USP36: variants seen among roughly 807,000 people sequenced by gnomAD.
USP36 encodes ubiquitin carboxyl-terminal hydrolase 36.
USP36 carries 59 observed loss-of-function variants against 111.5 expected under a neutral mutation model. The observed-to-expected ratio is 0.53, with a 90% CI of 0.43 to 0.66. The LOEUF is 0.66. USP36 is among the 30% of genes least tolerant of loss of function. The pLI, the probability that USP36 is intolerant of heterozygous loss-of-function variation, is 0.00. For missense variants in USP36, 1,488 were observed against 1,468.0 expected (o/e 1.01, Z -0.22); for synonymous variants, 628 against 581.0 (o/e 1.08, Z -1.16).
chr17:78,803,581 G>A lies in USP36; in HGVS notation c.2614C>T (p.Pro872Ser), dbSNP rs1827774761. The change falls in exon 16 of 21, where the codon CCC (proline) becomes TCC (serine). Residue 872 changes from proline to serine, a missense_variant. Physicochemically the swap from Pro to Ser is moderately conservative, Grantham distance 74 (BLOSUM62 -1). This residue lies in a region of USP36 where 1,073 missense variants were observed against 994.1 expected (regional missense o/e 1.08). Coordinates refer to ENST00000449938, the MANE Select transcript of USP36 (RefSeq NM_001385174.1). This position sits in a 1 kb window ranked among gnomAD's most constrained non-coding sequence, Gnocchi z 4.6. ...EGQTQRQPGS[P>S]MYRREGQAQL... is the part of the protein sequence containing the mutation. The stretch of plus-strand genomic sequence containing the variant: ...GCCTGGCCCTCCCTCCTGTACATGG[G>A]GCTCCCAGGCTGTCTCTGTGTCTGC... The A allele has an allele frequency of 4.3e-6, 7 of 1,613,066 alleles. No individual in the cohort carries two copies. Among genetic ancestry groups the A allele is most frequent in the Non-Finnish European group, 5.1e-6 (6 of 1,179,992 alleles).
intron 10 of USP36, 86 bp from the exon 11 acceptor site, chr17:78,814,638 A>G (rs2094138560): frequency 1.4e-6 from 2 of 1,477,548 alleles, no homozygotes; most frequent in African/African-American, 2.8e-5. Flanking sequence ...ACCACACAAA[A>G]TGCCCAGCTT....
chr17:78,794,149 A>C (rs1377785946), downstream of USP36, among the ~76,000 whole-genome samples: 1 of 152,146 alleles, frequency 6.6e-6, no homozygotes, highest in Non-Finnish European at 1.5e-5. Flanking sequence ...CTATGCTACT[A>C]ATGCCAATCT....
intron 16 of USP36, among the ~76,000 whole-genome samples, chr17:78,802,753 C>T (rs2093787120): frequency 6.6e-6 from 1 of 152,182 alleles, no homozygotes; most frequent in South Asian, 2.1e-4. Flanking sequence ...CCCATCCTAA[C>T]TGAGCCAAGC....
intron 7 of USP36, 65 bp from the exon 8 acceptor site, chr17:78,821,126 C>T (rs924999706): frequency 3.0e-5 from 44 of 1,490,982 alleles, no homozygotes; most frequent in East Asian, 1.2e-4. Flanking sequence ...CTCCCAAGAC[C>T]GAGACCCAGC....
At chr17:78,810,898 G>C (rs2094032999) in intron 13 of USP36, among the ~76,000 whole-genome samples, 1 of 152,020 alleles carries the variant, frequency 6.6e-6, no homozygotes, top group South Asian at 2.1e-4. Flanking sequence ...CGAATCACTT[G>C]AGGTCAGGAG....
chr17:78,832,415 A>T (rs1001877510), intron 4 of USP36, among the ~76,000 whole-genome samples: 2 of 152,208 alleles, frequency 1.3e-5, no homozygotes, highest in Admixed American at 1.3e-4. Flanking sequence ...ACGTCTCTTC[A>T]TATGTTCCAA....
chr17:78,792,713 G>GT (rs200048059), downstream of USP36, among the ~76,000 whole-genome samples: 4,668 of 151,872 alleles, frequency 0.031, 151 homozygotes, highest in Admixed American at 0.094. Context: ...CCCCGGGAAG[G>GT]TTTTTTTTGT....
rs1480628421 is a variant in USP36 at position 78,813,834 on chromosome 17, C to T, written c.1204G>A (p.Val402Ile). 1.1e-5 allele frequency: 18 copies of T among 1,614,108 alleles called. No individual in the cohort carries two copies. The South Asian group carries it at 1.6e-4, about 15-fold the overall frequency. ...GQWYQMNDSL[V>I]HSSNVKVVLN... The stretch of plus-strand genomic sequence containing the variant: ...ACCACCTTGACGTTGCTGGAATGGA[C>T]CAAGGAATCATTCATCTGGTACCAC... Residue 402 changes from valine (V) to isoleucine (I), a missense_variant, in exon 12 of 21, where the codon GTC becomes ATC. Val to Ile is a conservative substitution (Grantham distance 29, BLOSUM62 3). This residue lies in a region of USP36 where 1,073 missense variants were observed against 994.1 expected (regional missense o/e 1.08). Transcript: ENST00000449938.
chr17:78,803,578 T>C lies in USP36; in HGVS notation c.2617A>G (p.Met873Val). The C allele has an allele frequency of 6.2e-7, 1 of 1,613,274 alleles. No individual in the cohort carries two copies. Among genetic ancestry groups the C allele is most frequent in the Non-Finnish European group, 8.5e-7 (1 of 1,180,004 alleles). ...GQTQRQPGSPMYRREGQAQLP... is the reference protein window; with the variant it reads ...GQTQRQPGSPVYRREGQAQLP... ...TGTGCCTGGCCCTCCCTCCTGTACA[T>C]GGGGCTCCCAGGCTGTCTCTGTGTC... Residue 873 changes from methionine to valine, a missense_variant, in exon 16 of 21, where the codon ATG becomes GTG. Coordinates refer to ENST00000449938, the MANE Select transcript of USP36 (RefSeq NM_001385174.1). This position sits in a 1 kb window ranked among gnomAD's most constrained non-coding sequence, Gnocchi z 4.6.
intron 7 of USP36, among the ~76,000 whole-genome samples, chr17:78,821,669 C>G (rs899466618): frequency 2.2e-4 from 33 of 151,888 alleles, no homozygotes; most frequent in African/African-American, 6.0e-4. Context: ...AACTCCTGAC[C>G]TCAGGTGATC....
At chr17:78,829,605 G>A (rs143240679) in intron 4 of USP36, among the ~76,000 whole-genome samples, 232 of 152,286 alleles carry the variant, frequency 1.5e-3, no homozygotes, top group African/African-American at 5.4e-3. Context: ...TATTGTAGAG[G>A]AGGCAGCCAT....
At position 78,806,236 on chromosome 17, in the gene USP36, G is replaced by T. The variant is rs139874390; in HGVS notation, c.2136C>A (p.Pro712=). The change falls in exon 15 of 21, where the codon CCC becomes CCA. Residue 712 remains proline (P), a synonymous_variant. Coordinates refer to ENST00000449938, the MANE Select transcript of USP36 (RefSeq NM_001385174.1). Reference sequence around the variant, plus strand: ...GGTGGGTGAGGTCGGAGGATGGTGAGGGGGGAGGTGGACGGAGGTCATTGC... The same window carrying T: ...GGTGGGTGAGGTCGGAGGATGGTGATGGGGGAGGTGGACGGAGGTCATTGC... ...ATGNDLRPPP[P]SPSSDLTHPM... is the part of the protein sequence containing the mutation. 9.4e-5 allele frequency: 152 copies of T among 1,613,562 alleles called. No individual in the cohort carries two copies. Among genetic ancestry groups the T allele is most frequent in the Non-Finnish European group, 1.2e-4 (146 of 1,179,970 alleles).
intron 7 of USP36, 151 bp downstream of exon 7, chr17:78,821,786 G>T: frequency 1.2e-6 from 1 of 838,342 alleles, no homozygotes; most frequent in Non-Finnish European, 1.9e-6. Context: ...CGGGCCAAGA[G>T]TCTCAGAGGA....
In USP36 at chr17:78,836,189, T is replaced by C. The variant is rs544488000; in HGVS notation, c.175A>G (p.Lys59Glu). The change falls in exon 3 of 21, where the codon AAA becomes GAA. Residue 59 changes from lysine to glutamate, a missense_variant. Lys to Glu is a moderately conservative substitution (Grantham distance 56, BLOSUM62 1). Transcript: ENST00000449938. ...FSYQLEALKSKYVLLNPKTEG... is the reference protein window; with the variant it reads ...FSYQLEALKSEYVLLNPKTEG... ...GTTTTGGGGTTGAGCAACACATATT[T>C]GCTCTTTAAGGCCTCCAGCTGGTAG... The C allele has an allele frequency of 3.0e-5, 48 of 1,614,054 alleles. No homozygotes were observed. The highest frequency in any genetic ancestry group is 1.6e-4 in the Middle Eastern group (1 of 6,078).
At chr17:78,833,009 G>A (rs913198484) in intron 4 of USP36, among the ~76,000 whole-genome samples, 6 of 151,994 alleles carry the variant, frequency 3.9e-5, no homozygotes, top group South Asian at 2.1e-4. Flanking sequence ...TTAGCCAGGC[G>A]TGGTGGCGGG....
chr17:78,827,032 A>C (rs1427236241), intron 6 of USP36: 1 of 688,628 alleles, frequency 1.5e-6, no homozygotes, highest in African/African-American at 1.8e-5. Context: ...GACCAGCAGG[A>C]CGTCTCCGGA....
chr17:78,805,702 T>C lies in USP36; in HGVS notation c.2216+454A>G, dbSNP rs112779098. On this transcript the variant is annotated intron_variant, in intron 15 of 20. Transcript: ENST00000449938. ...TGTCTGCAGAGGAACCCGAGAGCCC[T>C]GAGACAGTTCTTAACCTGCATGACG... Among the ~76,000 whole-genome samples the C allele has an allele frequency of 3.6e-3, 555 of 152,316 alleles. 2 individuals are homozygous for C. The highest frequency in any genetic ancestry group is 0.013 in the African/African-American group (532 of 41,556).
Position 78,803,261 on chromosome 17 carries a change from C to G in USP36, c.2810+124G>C. 1 of 1,079,504 alleles carries G rather than the reference C, an allele frequency of 9.3e-7. No individual in the cohort carries two copies. Among genetic ancestry groups the G allele is most frequent in the South Asian group, 1.6e-5 (1 of 64,094 alleles). The allele number at this position is 1,079,504 out of a possible 1,614,324, so 66.9% of individuals were successfully genotyped here. ...CAGAGGAGACATCTGATCACAAATC[C>G]ACATTTTAGAAAACCACGCAAGCAG... On this transcript the variant is annotated intron_variant, in intron 16 of 20. Coordinates refer to ENST00000449938, the MANE Select transcript of USP36 (RefSeq NM_001385174.1). The surrounding 1 kb of genome is among the most constrained non-coding windows in gnomAD (Gnocchi z 4.6).
At chr17:78,802,876 A>T (rs886160591) in intron 16 of USP36, among the ~76,000 whole-genome samples, 1 of 152,166 alleles carries the variant, frequency 6.6e-6, no homozygotes, top group Non-Finnish European at 1.5e-5. Context: ...AATGATGGAC[A>T]CTACTGTCCA....
Sources: allele counts gnomAD v4.1 joint callset (sites outside exome capture counted in the v4.1 genomes callset), GRCh38; gene constraint gnomAD v4.1.1; regional missense constraint gnomAD v4.1.1; non-coding constraint Gnocchi (gnomAD v3.1); transcripts MANE v1.5; gene names NCBI Gene and HGNC (gene_info 2026-07-23, HGNC 2026-07-21).